The following GRK5 variants were observed in gnomAD, a reference collection of about 807,000 sequenced individuals.
The protein encoded by GRK5 is G protein-coupled receptor kinase 5.
Under a neutral mutation model 78.4 loss-of-function variants are expected in GRK5, and 40 were observed. The observed-to-expected ratio is 0.51, with a 90% CI of 0.40 to 0.66. The LOEUF (loss-of-function observed/expected upper bound fraction) is 0.66. Ranked by LOEUF, GRK5 falls within the 30% of genes least tolerant of loss-of-function variation. The pLI is 0.00. For synonymous variants in GRK5, 289 were observed against 296.8 expected (o/e 0.97, Z 0.27); for missense variants, 598 against 759.9 (o/e 0.79, Z 2.50).
At chr10:119,451,979 G>T (rs1853296677) in intron 13 of GRK5, among the ~76,000 whole-genome samples, 2 of 152,102 alleles carry the variant, frequency 1.3e-5, no homozygotes, top group African/African-American at 2.4e-5. Context: ...ATCTCCAGAG[G>T]CTCTGGGAAG....
At chr10:119,371,188 C>G (rs1289229025) in intron 2 of GRK5, among the ~76,000 whole-genome samples, 2 of 152,198 alleles carry the variant, frequency 1.3e-5, no homozygotes, top group Non-Finnish European at 2.9e-5. Context: ...GGACAGCCCT[C>G]CCCGCACCCG....
intron 1 of GRK5, among the ~76,000 whole-genome samples, chr10:119,285,284 G>A (rs1321812222): frequency 1.3e-5 from 2 of 152,116 alleles, no homozygotes; most frequent in African/African-American, 4.8e-5. Flanking sequence ...AATGAAAGAG[G>A]TTAAAGAAAC....
At position 119,287,783 on chromosome 10, in the gene GRK5, C is replaced by T. The variant is rs578028218; in HGVS notation, c.53-38733C>T. 2.6e-5 allele frequency among the ~76,000 whole-genome samples: 4 copies of T among 152,280 alleles called. No homozygotes were observed. In the East Asian group the frequency reaches 7.7e-4, roughly 29 times the overall value. ...GACTGCACCGTATCCAGCGCCGGGGCTATGTGGTCATGGGATGTGTGTGCA... is the reference window on the plus strand; with the variant it reads ...GACTGCACCGTATCCAGCGCCGGGGTTATGTGGTCATGGGATGTGTGTGCA... On this transcript the variant is annotated intron_variant, in intron 1 of 15. Transcript: ENST00000392870.
intron 1 of GRK5, among the ~76,000 whole-genome samples, chr10:119,278,859 G>A (rs76247793): frequency 2.6e-4 from 40 of 152,142 alleles, no homozygotes; most frequent in South Asian, 1.2e-3. Flanking sequence ...CCTGCACCCC[G>A]GTGTCTTTCT....
chr10:119,417,129 GCTGT>G (rs1852472339), intron 4 of GRK5, among the ~76,000 whole-genome samples: 1 of 152,228 alleles, frequency 6.6e-6, no homozygotes, highest in Non-Finnish European at 1.5e-5. Context: ...CTGGGGTTGG[GCTGT>G]CGCCTGCCCT....
At chr10:119,448,077 G>T in intron 12 of GRK5, 46 bp from the exon 13 acceptor site, 1 of 1,495,120 alleles carries the variant, frequency 6.7e-7, no homozygotes, top group Non-Finnish European at 8.9e-7. Flanking sequence ...GTCCGGACAG[G>T]AGGAGAGGCC....
chr10:119,245,383 A>G (rs1240134905), intron 1 of GRK5, among the ~76,000 whole-genome samples: 4 of 152,194 alleles, frequency 2.6e-5, no homozygotes, highest in African/African-American at 7.2e-5. Context: ...CTCAAAGTCT[A>G]TAGGTAAATG....
intron 1 of GRK5, among the ~76,000 whole-genome samples, chr10:119,269,832 TAAAA>T (rs1158379424): frequency 1.0e-5 from 1 of 96,148 alleles, no homozygotes; most frequent in African/African-American, 4.0e-5. Context: ...GACTCCATCT[TAAAA>T]AAAAAAAAAA....
intron 1 of GRK5, among the ~76,000 whole-genome samples, chr10:119,302,804 G>C (rs1436512732): frequency 6.6e-6 from 1 of 152,146 alleles, no homozygotes; most frequent in African/African-American, 2.4e-5. Flanking sequence ...AGAGGCCTGG[G>C]GTTCCCTGGG....
chr10:119,293,723 G>T (rs1251224678), intron 1 of GRK5, among the ~76,000 whole-genome samples: 1 of 151,736 alleles, frequency 6.6e-6, no homozygotes, highest in African/African-American at 2.4e-5. Flanking sequence ...GGATGCCTGG[G>T]TGGTGCTGCC....
chr10:119,450,980 C>CT (rs1853270794), intron 13 of GRK5, among the ~76,000 whole-genome samples: 1 of 108,028 alleles, frequency 9.3e-6, no homozygotes, highest in African/African-American at 3.6e-5. Context: ...ACAGTCATCC[C>CT]GCCCCCCACA....
At chr10:119,396,560 G>A (rs180794714) in intron 3 of GRK5, 135 bp from the exon 4 acceptor site, 16 of 695,418 alleles carry the variant, frequency 2.3e-5, no homozygotes, top group South Asian at 7.2e-5. Flanking sequence ...CTTCCCCCCC[G>A]GTTTCCTGAC....
chr10:119,280,118 T>C (rs1488629302), intron 1 of GRK5, among the ~76,000 whole-genome samples: 1 of 152,152 alleles, frequency 6.6e-6, no homozygotes, highest in Non-Finnish European at 1.5e-5. Flanking sequence ...CCCAGGGAGT[T>C]GGAGGCCTTA....
At chr10:119,389,457 C>T (rs546941174) in intron 3 of GRK5, among the ~76,000 whole-genome samples, 4 of 152,270 alleles carry the variant, frequency 2.6e-5, no homozygotes, top group South Asian at 2.1e-4. Context: ...AGCCAGACCC[C>T]GGGAGCAGGG....
At chr10:119,396,660 AC>A (rs778797900) in intron 3 of GRK5, 34 bp from the exon 4 acceptor site, 8 of 1,546,036 alleles carry the variant, frequency 5.2e-6, no homozygotes, top group South Asian at 4.5e-5. Context: ...TCATGAGCAA[AC>A]CTGTTATTGT....
chr10:119,424,951 C>T (rs760648325), intron 5 of GRK5, 42 bp from the exon 6 acceptor site: 24 of 1,380,214 alleles, frequency 1.7e-5, no homozygotes, highest in Admixed American at 5.0e-5. Context: ...GCTTGAAGAT[C>T]GGGATTATAA....
intron 2 of GRK5, among the ~76,000 whole-genome samples, chr10:119,368,082 C>A (rs1353890200): frequency 6.6e-6 from 1 of 152,244 alleles, no homozygotes; most frequent in African/African-American, 2.4e-5. Flanking sequence ...TAGCTCATAG[C>A]TCCAGGGGAA....
chr10:119,414,519 G>T (rs921199183), intron 4 of GRK5, among the ~76,000 whole-genome samples: 1 of 152,206 alleles, frequency 6.6e-6, no homozygotes, highest in African/African-American at 2.4e-5. Flanking sequence ...ACATCCTCCT[G>T]CACACTGTCT....
chr10:119,367,723 G>A (rs568675020), intron 2 of GRK5, among the ~76,000 whole-genome samples: 2 of 152,378 alleles, frequency 1.3e-5, no homozygotes, highest in Non-Finnish European at 2.9e-5. Context: ...TGCTCTGCAG[G>A]TGAAGTGCTT....
Sources: gnomAD v4.1 joint callset for allele counts (sites outside exome capture counted in the v4.1 genomes callset) on GRCh38, gnomAD v4.1.1 for gene constraint, MANE v1.5 for transcripts, NCBI Gene and HGNC (gene_info 2026-07-23, HGNC 2026-07-21) for gene names.